Variants in TENM3 observed in about 807,000 individuals in gnomAD.
TENM3 encodes teneurin-3.
TENM3 carries 63 observed loss-of-function variants against 255.1 expected under a neutral mutation model. The ratio of observed to expected loss-of-function variants is 0.25; its 90% CI spans 0.20 to 0.30. TENM3 has a LOEUF of 0.30. Among genes scored for constraint, TENM3 ranks in the 10% least tolerant of loss-of-function variants. The pLI is 1.00. For missense variants in TENM3, 2,929 were observed against 3,461.1 expected (o/e 0.85, Z 3.86); for synonymous variants, 1,306 against 1,322.3 (o/e 0.99, Z 0.27).
the TENM3 span, among the ~76,000 whole-genome samples, chr4:181,788,764 AT>A: frequency 6.6e-6 from 1 of 152,026 alleles, no homozygotes; most frequent in African/African-American, 2.4e-5. Context: ...TGCTTAGCTA[AT>A]TTTTTAACTT....
At chr4:182,197,666 A>C (rs1016101722) in intron 1 of TENM3, among the ~76,000 whole-genome samples, 13 of 152,362 alleles carry the variant, frequency 8.5e-5, no homozygotes, top group Admixed American at 7.2e-4. Flanking sequence ...AATGGTTTAA[A>C]TAGTGACAAT....
At chr4:182,288,414 T>G (rs7662692) in intron 1 of TENM3, among the ~76,000 whole-genome samples, 4,281 of 152,292 alleles carry the variant, frequency 0.028, 203 homozygotes, top group African/African-American at 0.097. Flanking sequence ...TCTGGAATTA[T>G]ACTCCATCAT....
chr4:182,297,385 C>G (rs1262667597), intron 1 of TENM3, among the ~76,000 whole-genome samples: 1 of 152,194 alleles, frequency 6.6e-6, no homozygotes, highest in Non-Finnish European at 1.5e-5. Context: ...TGGATAAGTT[C>G]TTTTTCTGAA....
At chr4:182,162,175 C>G (rs1207295739) in intron 1 of TENM3, among the ~76,000 whole-genome samples, 1 of 151,890 alleles carries the variant, frequency 6.6e-6, no homozygotes, top group South Asian at 2.1e-4. Context: ...AGCTACCACA[C>G]CTGGCGAATT....
At chr4:182,432,088 A>AAAG (rs1187724812) in intron 3 of TENM3, among the ~76,000 whole-genome samples, 1 of 151,844 alleles carries the variant, frequency 6.6e-6, no homozygotes, top group African/African-American at 2.4e-5. Context: ...AAAAAAAAAA[A>AAAG]AAGAAAGAAA....
chr4:181,889,653 C>A, the TENM3 span, among the ~76,000 whole-genome samples: 1 of 152,108 alleles, frequency 6.6e-6, no homozygotes, highest in Admixed American at 6.5e-5. Flanking sequence ...TGAGGTGCTT[C>A]AAGACTGCTC....
In TENM3 at chr4:182,660,101, A is replaced by G. The variant is rs567529271; in HGVS notation, c.1111+6208A>G. Among the ~76,000 whole-genome samples, 29 of 152,340 alleles carry G rather than the reference A, an allele frequency of 1.9e-4. No individual in the cohort carries two copies. In the South Asian group the frequency reaches 4.8e-3, roughly 25 times the overall value. ...GTGTAAACATACAATGGTGTATAGT[A>G]CATAGTAAATGCTTGAAAAATGTTT... On this transcript the variant is annotated intron_variant, in intron 6 of 27. Transcript: ENST00000511685.
At chr4:182,777,543 A>ATTTTTTT (rs1561238758) in intron 24 of TENM3, among the ~76,000 whole-genome samples, 2 of 34,914 alleles carry the variant, frequency 5.7e-5, no homozygotes, top group African/African-American at 2.6e-4. Flanking sequence ...GTGTGTGTGT[A>ATTTTTTT]TTTCTTTTTT....
chr4:182,173,626 A>G (rs951349434), intron 1 of TENM3, among the ~76,000 whole-genome samples: 1 of 152,210 alleles, frequency 6.6e-6, no homozygotes, highest in African/African-American at 2.4e-5. Flanking sequence ...CCTATACCGA[A>G]GGCTGTGAAG....
At chr4:182,308,015 A>G (rs1237382548) in intron 1 of TENM3, among the ~76,000 whole-genome samples, 1 of 152,218 alleles carries the variant, frequency 6.6e-6, no homozygotes, top group Non-Finnish European at 1.5e-5. Flanking sequence ...ACATCTGAGA[A>G]CGCAACATTT....
intron 1 of TENM3, among the ~76,000 whole-genome samples, chr4:182,292,620 CT>C (rs1183562821): frequency 2.6e-5 from 4 of 152,312 alleles, no homozygotes. Context: ...TGGGTAAATG[CT>C]TCATGCTTTG....
chr4:182,589,203 T>G (rs1431429600), intron 3 of TENM3, among the ~76,000 whole-genome samples: 1 of 151,302 alleles, frequency 6.6e-6, no homozygotes. Flanking sequence ...AGCTTTTCTA[T>G]TTTTTTTTCT....
At chr4:182,097,805 G>A in the TENM3 span, among the ~76,000 whole-genome samples, 3 of 151,938 alleles carry the variant, frequency 2.0e-5, no homozygotes, top group Non-Finnish European at 2.9e-5. Context: ...GTTTGGTTCC[G>A]GCACCAACTC....
At chr4:181,754,459 TG>T in the TENM3 span, among the ~76,000 whole-genome samples, 1 of 152,102 alleles carries the variant, frequency 6.6e-6, no homozygotes, top group African/African-American at 2.4e-5. Flanking sequence ...GAGACATATT[TG>T]GGTGGAGAAA....
chr4:182,002,373 C>T, the TENM3 span, among the ~76,000 whole-genome samples: 1 of 152,060 alleles, frequency 6.6e-6, no homozygotes, highest in East Asian at 1.9e-4. Flanking sequence ...AGTAAAAGTC[C>T]TTGTGGCTCC....
rs1339245846 is a variant in TENM3 at position 182,781,918 on chromosome 4, T to G, written c.5304+6765T>G. Among the ~76,000 whole-genome samples the G allele has an allele frequency of 6.0e-5, 9 of 151,094 alleles. No homozygotes were observed. In the South Asian group the frequency reaches 1.5e-3, roughly 25 times the overall value. On this transcript the variant is annotated intron_variant, in intron 24 of 27. Coordinates refer to ENST00000511685, the MANE Select transcript of TENM3 (RefSeq NM_001080477.4). ...TGGTGATATCCCCTTTATCATTTTT[T>G]ATTGCATCTATTAGATTCTTCTCTC...
intron 22 of TENM3, among the ~76,000 whole-genome samples, chr4:182,760,223 C>T (rs1159586991): frequency 1.3e-5 from 2 of 152,042 alleles, no homozygotes; most frequent in South Asian, 2.1e-4. Flanking sequence ...TGGCCACACG[C>T]GATCATTCCT....
At chr4:182,262,391 G>A (rs1758861272) in intron 1 of TENM3, among the ~76,000 whole-genome samples, 1 of 152,140 alleles carries the variant, frequency 6.6e-6, no homozygotes, top group South Asian at 2.1e-4. Flanking sequence ...TACAGGATGG[G>A]ATAGGAGATT....
chr4:182,361,769 T>C (rs1385394672), intron 3 of TENM3, among the ~76,000 whole-genome samples: 1 of 152,218 alleles, frequency 6.6e-6, no homozygotes, highest in East Asian at 1.9e-4. Context: ...AGGAACTGCG[T>C]TCCTTTGGAG....
Sources: allele counts gnomAD v4.1 joint callset (sites outside exome capture counted in the v4.1 genomes callset), GRCh38; gene constraint gnomAD v4.1.1; transcripts MANE v1.5; gene names NCBI Gene and HGNC (gene_info 2026-07-23, HGNC 2026-07-21).